PPM1M: variants seen among roughly 807,000 people sequenced by gnomAD.
PPM1M encodes protein phosphatase, Mg2+/Mn2+ dependent 1M, also known as protein phosphatase 1M.
PPM1M carries 44 observed loss-of-function variants against 50.8 expected under a neutral mutation model. The ratio of observed to expected loss-of-function variants is 0.87; its 90% confidence interval spans 0.68 to 1.11. The LOEUF is 1.11. Among genes scored for constraint, PPM1M ranks in the 50% most tolerant of loss-of-function variants. PPM1M has a pLI of 0.00. For missense variants in PPM1M, 556 were observed against 593.4 expected (o/e 0.94, Z 0.66); for synonymous variants, 224 against 242.9 (o/e 0.92, Z 0.72).
In PPM1M at chr3:52,247,151, C is replaced by T. The variant is rs1699873726; in HGVS notation, c.520C>T (p.Pro174Ser). Residue 174 changes from proline to serine, a missense_variant, in exon 3 of 10, where the codon CCT (proline) becomes TCT (serine). By Grantham distance (74) the Pro-to-Ser change is moderately conservative. Coordinates refer to ENST00000323588, the MANE Select transcript of PPM1M (RefSeq NM_144641.4). ...LNGRCICPSD[P>S]QFVEEKGIRA... Reference sequence around the variant, plus strand: ...TGGCCGCTGCATCTGCCCCAGTGACCCTCAGTTTGTGGAGGAAAAGGGCAT... The same window carrying T: ...TGGCCGCTGCATCTGCCCCAGTGACTCTCAGTTTGTGGAGGAAAAGGGCAT... 5 of 1,612,630 alleles carry T rather than the reference C, an allele frequency of 3.1e-6. No individual in the cohort carries two copies. The highest frequency in any genetic ancestry group is 4.2e-6 in the Non-Finnish European group (5 of 1,179,374).
intron 1 of PPM1M, 136 bp downstream of exon 1, chr3:52,246,184 C>T: frequency 9.9e-7 from 1 of 1,013,142 alleles, no homozygotes; most frequent in East Asian, 1.1e-4. Context: ...CCCTCACCTC[C>T]GAATCCTGAC....
At position 52,250,022 on chromosome 3, in the gene PPM1M, G is replaced by A. The variant is rs1699937338; in HGVS notation, c.*208G>A. The A allele has an allele frequency of 5.5e-6, 3 of 541,400 alleles. No individual in the cohort carries two copies. Among genetic ancestry groups the A allele is most frequent in the Middle Eastern group, 5.0e-4 (1 of 2,014 alleles). 33.5% of individuals were successfully genotyped at this position (541,400 alleles called of 1,614,324 possible). On this transcript the variant is annotated 3_prime_UTR_variant, in exon 10 of 10. Coordinates refer to ENST00000323588, the MANE Select transcript of PPM1M (RefSeq NM_144641.4). ...GTGTATGGAGAGCCCAGCCCACCAG[G>A]TCCTGCCTTTTGCGGTGATAACCTT... is the stretch of plus-strand genomic sequence containing the variant.
chr3:52,247,253 G>T (rs367819843), intron 3 of PPM1M, 25 bp downstream of exon 3: 1 of 1,590,054 alleles, frequency 6.3e-7, no homozygotes, highest in Non-Finnish European at 8.6e-7. Flanking sequence ...TTTGGCTGGG[G>T]AAGAAGTGGA....
intron 9 of PPM1M, 154 bp from the exon 10 acceptor site, chr3:52,249,516 C>A: frequency 7.9e-7 from 1 of 1,273,314 alleles, no homozygotes; most frequent in Non-Finnish European, 1.1e-6. Context: ...CATGGTCCAG[C>A]CCGTGGCCCT....
chr3:52,247,542 C>G (rs1699880599), intron 3 of PPM1M, 140 bp from the exon 4 acceptor site: 1 of 693,928 alleles, frequency 1.4e-6, no homozygotes, highest in Middle Eastern at 3.5e-4. Context: ...CTGCAGGGAT[C>G]TTGGAGGTAT....
At chr3:52,249,441 T>C (rs1699924385) in intron 9 of PPM1M, 119 bp downstream of exon 9, 3 of 1,376,538 alleles carry the variant, frequency 2.2e-6, no homozygotes. Context: ...GGATCAGGGC[T>C]GTCTCAAGCT....
chr3:52,247,781 G>T lies in PPM1M; in HGVS notation c.697G>T (p.Ala233Ser). ...GCAGGGAAAGCTGTACATGGCCAAT[G>T]CTGGGGATAGCAGGTGAGTCACCCC... ...SLQGKLYMANAGDSRAILVRR... is the reference protein window; with the variant it reads ...SLQGKLYMANSGDSRAILVRR... The change falls in exon 4 of 10, where the codon GCT (alanine) becomes TCT (serine). Residue 233 changes from alanine to serine, a missense_variant. Physicochemically the swap from Ala to Ser is moderately conservative, Grantham distance 99 (BLOSUM62 1). Coordinates refer to ENST00000323588, the MANE Select transcript of PPM1M (RefSeq NM_144641.4). 6.3e-7 allele frequency: 1 copy of T among 1,598,150 alleles called. No individual in the cohort carries two copies. The highest frequency in any genetic ancestry group is 8.5e-7 in the Non-Finnish European group (1 of 1,170,940).
chr3:52,248,074 A>T (rs933644426), intron 4 of PPM1M, 79 bp from the exon 5 acceptor site: 34 of 1,223,578 alleles, frequency 2.8e-5, no homozygotes, highest in African/African-American at 6.0e-5. Context: ...TGGTGGTTGG[A>T]GGAGGGACTG....
chr3:52,247,644 G>C (rs1484355134), intron 3 of PPM1M, 38 bp from the exon 4 acceptor site: 1 of 1,338,972 alleles, frequency 7.5e-7, no homozygotes, highest in African/African-American at 1.4e-5. Context: ...TATGGTGGCA[G>C]AACAGGCAGC....
chr3:52,246,817 G>A lies in PPM1M; in HGVS notation c.342+5G>A. The A allele has an allele frequency of 7.0e-7, 1 of 1,427,690 alleles. No homozygotes were observed. Among genetic ancestry groups the A allele is most frequent in the Non-Finnish European group, 9.4e-7 (1 of 1,069,008 alleles). The allele number at this position is 1,427,690 out of a possible 1,614,324, so 88.4% of individuals were successfully genotyped here. On this transcript the variant is annotated splice_donor_5th_base_variant and intron_variant, in intron 2 of 9. Transcript: ENST00000323588. ...CTGACCCTGTGCCCAGAGGAGGTGA[G>A]TGCAGTCTGAGTTCTTGGCTGGAAT...
chr3:52,247,934 G>A (rs780125801), intron 4 of PPM1M, 140 bp downstream of exon 4: 19 of 744,232 alleles, frequency 2.6e-5, no homozygotes, highest in East Asian at 2.2e-4. Context: ...GTTATGTGTC[G>A]AGTGTGGACA....
At chr3:52,248,752 C>T in intron 7 of PPM1M, 52 bp downstream of exon 7, 3 of 1,572,438 alleles carry the variant, frequency 1.9e-6, no homozygotes, top group African/African-American at 1.3e-5. Flanking sequence ...TTGTCCCCTG[C>T]AGAGGTGGGA....
intron 1 of PPM1M, chr3:52,246,375 A>C: frequency 6.4e-4 from 654 of 1,026,910 alleles, no homozygotes; most frequent in Non-Finnish European, 7.3e-4. Flanking sequence ...CCACCATCTC[A>C]CCCTGGGTAT....
intron 3 of PPM1M, 48 bp downstream of exon 3, chr3:52,247,276 G>A: frequency 6.4e-7 from 1 of 1,554,042 alleles, no homozygotes; most frequent in Non-Finnish European, 8.7e-7. Context: ...TTTTGCCCCG[G>A]GGATCTCAGG....
intron 3 of PPM1M, 189 bp downstream of exon 3, chr3:52,247,417 T>C: frequency 1.1e-6 from 1 of 870,730 alleles, no homozygotes; most frequent in Admixed American, 2.8e-5. Context: ...CAGCACCTAC[T>C]GTGTGCTAAC....
At chr3:52,249,401 G>C (rs1326522304) in intron 9 of PPM1M, 79 bp downstream of exon 9, 1 of 1,519,714 alleles carries the variant, frequency 6.6e-7, no homozygotes, top group South Asian at 1.2e-5. Flanking sequence ...TGAGAAGACA[G>C]AGCACTGACA....
Position 52,249,008 on chromosome 3 carries a change from T to C in PPM1M, c.1031T>C (p.Leu344Pro), listed in dbSNP as rs147068914. ...AVSRGLGDHQ[L>P]RVLDTNIQLK... ...TCCCGGGGCCTGGGAGACCATCAGC[T>C]CAGAGTCCTGGACACAAACATCCAG... is the stretch of plus-strand genomic sequence containing the variant. The change falls in exon 8 of 10, where the codon CTC becomes CCC. Residue 344 changes from leucine (L) to proline (P), a missense_variant. Leu to Pro is a moderately conservative substitution (Grantham distance 98). Coordinates refer to ENST00000323588, the MANE Select transcript of PPM1M (RefSeq NM_144641.4). The C allele has an allele frequency of 6.2e-7, 1 of 1,611,392 alleles. No individual in the cohort carries two copies. The highest frequency in any genetic ancestry group is 1.7e-4 in the Middle Eastern group (1 of 6,054).
At chr3:52,246,669 G>A in intron 1 of PPM1M, 26 bp from the exon 2 acceptor site, 1 of 1,283,416 alleles carries the variant, frequency 7.8e-7, no homozygotes, top group East Asian at 5.6e-5. Context: ...GTCCCTGGAG[G>A]GTCGCTTACC....
At chr3:52,248,591 A>C (rs764471609) in intron 6 of PPM1M, 46 bp from the exon 7 acceptor site, 46 of 1,607,558 alleles carry the variant, frequency 2.9e-5, no homozygotes, top group Admixed American at 1.0e-4. Context: ...GGGAAAGATG[A>C]GATGGGGCAC....
Sources: allele counts gnomAD v4.1 joint callset, GRCh38; gene constraint gnomAD v4.1.1; transcripts MANE v1.5; gene names NCBI Gene and HGNC (gene_info 2026-07-23, HGNC 2026-07-21).